The following ROBO2 variants were observed in gnomAD, a reference collection of about 807,000 sequenced individuals.
ROBO2 encodes the protein roundabout guidance receptor 2, also known as roundabout homolog 2.
A neutral mutation model predicts 160.8 loss-of-function variants in ROBO2; 53 were observed. The observed-to-expected ratio is 0.33, with a 90% CI of 0.26 to 0.41. The LOEUF (loss-of-function observed/expected upper bound fraction) is 0.41. Ranked by LOEUF, ROBO2 falls within the 10% of genes least tolerant of loss-of-function variation. The pLI, the probability that ROBO2 is intolerant of heterozygous loss-of-function variation, is 1.00. For missense variants in ROBO2, 1,577 were observed against 1,722.4 expected (o/e 0.92, Z 1.49); for synonymous variants, 664 against 611.7 (o/e 1.09, Z -1.26).
At chr3:77,381,191 T>G (rs1376319035) in intron 2 of ROBO2, among the ~76,000 whole-genome samples, 1 of 152,156 alleles carries the variant, frequency 6.6e-6, no homozygotes, top group Non-Finnish European at 1.5e-5. Context: ...GGCACCTGCC[T>G]GTTGTCCCAG....
At chr3:77,140,241 T>C (rs562757221) in intron 2 of ROBO2, among the ~76,000 whole-genome samples, 2 of 152,158 alleles carry the variant, frequency 1.3e-5, no homozygotes, top group African/African-American at 2.4e-5. Flanking sequence ...CTGAGTTTTT[T>C]AGATTAAGAT....
At chr3:76,115,606 A>C (rs1020241468) in intron 2 of ROBO2, among the ~76,000 whole-genome samples, 2 of 152,170 alleles carry the variant, frequency 1.3e-5, no homozygotes, top group African/African-American at 4.8e-5. Context: ...AGTATTTAGC[A>C]AAGTGAATAT....
At chr3:77,478,305 T>C (rs1042846415) in intron 3 of ROBO2, among the ~76,000 whole-genome samples, 1 of 152,218 alleles carries the variant, frequency 6.6e-6, no homozygotes, top group Non-Finnish European at 1.5e-5. Context: ...TTCCAGTTTT[T>C]CCAATTGAAT....
chr3:76,302,299 T>A (rs564187585), intron 2 of ROBO2, among the ~76,000 whole-genome samples: 2 of 152,204 alleles, frequency 1.3e-5, no homozygotes, highest in East Asian at 3.9e-4. Flanking sequence ...ATTTTCCAGC[T>A]TATCAATGAT....
intron 2 of ROBO2, among the ~76,000 whole-genome samples, chr3:76,676,499 A>G (rs2092412052): frequency 6.6e-6 from 1 of 152,152 alleles, no homozygotes; most frequent in Non-Finnish European, 1.5e-5. Context: ...AGGTATAAAC[A>G]AAGTGTATCT....
chr3:76,938,712 G>A (rs2077923320), intron 2 of ROBO2, among the ~76,000 whole-genome samples: 1 of 151,884 alleles, frequency 6.6e-6, no homozygotes, highest in Non-Finnish European at 1.5e-5. Flanking sequence ...GCTCACACCC[G>A]TAATCCCAGC....
intron 2 of ROBO2, among the ~76,000 whole-genome samples, chr3:76,022,447 AT>A (rs1442567326): frequency 6.6e-6 from 1 of 151,752 alleles, no homozygotes; most frequent in Non-Finnish European, 1.5e-5. Flanking sequence ...ACCTTATCAT[AT>A]TTAGTTCTTA....
At chr3:75,994,011 G>C (rs974344322) in intron 2 of ROBO2, among the ~76,000 whole-genome samples, 2 of 152,124 alleles carry the variant, frequency 1.3e-5, no homozygotes, top group East Asian at 1.9e-4. Context: ...CCAGCTGTGG[G>C]AGTATCTAGA....
intron 2 of ROBO2, among the ~76,000 whole-genome samples, chr3:76,184,346 A>G (rs1559620803): frequency 6.6e-6 from 1 of 152,088 alleles, no homozygotes; most frequent in Non-Finnish European, 1.5e-5. Context: ...GTTCAAAAAG[A>G]GAAGACAGAA....
intron 2 of ROBO2, among the ~76,000 whole-genome samples, chr3:77,331,569 A>G (rs1286468446): frequency 6.6e-6 from 1 of 152,232 alleles, no homozygotes; most frequent in Non-Finnish European, 1.5e-5. Context: ...GGCAAAGAAA[A>G]AAATACTTGC....
chr3:77,228,589 C>T (rs1241391926), intron 2 of ROBO2, among the ~76,000 whole-genome samples: 1 of 151,924 alleles, frequency 6.6e-6, no homozygotes, highest in African/African-American at 2.4e-5. Context: ...CCACCTGTCC[C>T]AGGGTTGGGG....
chr3:77,565,053 G>T (rs760029805), exon 12 of ROBO2: 1 of 1,613,638 alleles, frequency 6.2e-7, no homozygotes, highest in Non-Finnish European at 8.5e-7. Context: ...ACTTATTCAT[G>T]GTCAGAGCGA....
chr3:76,995,462 A>G (rs2060944582), intron 2 of ROBO2, among the ~76,000 whole-genome samples: 1 of 152,150 alleles, frequency 6.6e-6, no homozygotes, highest in African/African-American at 2.4e-5. Flanking sequence ...TTGAGTATAT[A>G]CCCAGTAATG....
At chr3:77,308,813 G>T (rs1318544872) in intron 2 of ROBO2, among the ~76,000 whole-genome samples, 2 of 152,118 alleles carry the variant, frequency 1.3e-5, no homozygotes, top group African/African-American at 4.8e-5. Flanking sequence ...ATTTCTCTCA[G>T]ATTCTAACTT....
In ROBO2 at chr3:76,176,309, T is replaced by C. The variant is rs547346286; in HGVS notation, c.109+238707T>C. ...TGAATAGTGTGTGAAAACCTCTGAG[T>C]ATGGTATCTTTTGTATTATTATGCA... On this transcript the variant is annotated intron_variant, in intron 2 of 26. Coordinates refer to the ROBO2 transcript ENST00000487694. Among the ~76,000 whole-genome samples the C allele has an allele frequency of 2.6e-4, 39 of 152,188 alleles. No individual in the cohort carries two copies. The South Asian group carries it at 3.3e-3, about 13-fold the overall frequency.
chr3:77,312,868 T>C (rs2153423850), intron 2 of ROBO2, among the ~76,000 whole-genome samples: 1 of 152,308 alleles, frequency 6.6e-6, no homozygotes, highest in African/African-American at 2.4e-5. Flanking sequence ...GCACACACAT[T>C]TTAAAAACTC....
chr3:77,166,346 G>A (rs1241978449), intron 2 of ROBO2, among the ~76,000 whole-genome samples: 1 of 151,994 alleles, frequency 6.6e-6, no homozygotes, highest in Non-Finnish European at 1.5e-5. Flanking sequence ...ATTTAATATT[G>A]ATATAATCTT....
chr3:76,065,267 T>G (rs917798871), intron 2 of ROBO2, among the ~76,000 whole-genome samples: 5 of 152,146 alleles, frequency 3.3e-5, no homozygotes, highest in African/African-American at 4.8e-5. Context: ...ATAGAATATG[T>G]TTATCTTTGC....
intron 2 of ROBO2, among the ~76,000 whole-genome samples, chr3:76,624,885 A>C (rs1401779101): frequency 6.6e-6 from 1 of 150,466 alleles, no homozygotes; most frequent in Non-Finnish European, 1.5e-5. Context: ...TTTGAAAAAT[A>C]CTTGTCTACT....
Sources: gnomAD v4.1 joint callset for allele counts (sites outside exome capture counted in the v4.1 genomes callset) on GRCh38, gnomAD v4.1.1 for gene constraint, MANE v1.5 for transcripts, NCBI Gene and HGNC (gene_info 2026-07-23, HGNC 2026-07-21) for gene names.